ZFP42: variants seen among roughly 807,000 people sequenced by gnomAD.
ZFP42 encodes the protein zinc finger protein 42 homolog.
For missense variants in ZFP42, 438 were observed against 377.1 expected (o/e 1.16, Z -1.34); for synonymous variants, 175 against 144.6 (o/e 1.21, Z -1.51).
rs1266593176 is a variant in ZFP42, at chr4:188,004,159, A to G, written c.*419A>G. 1.7e-5 allele frequency: 3 copies of G among 174,498 alleles called. No individual in the cohort carries two copies. The highest frequency in any genetic ancestry group is 4.1e-5 in the Non-Finnish European group (3 of 72,536). 10.8% of individuals were successfully genotyped at this position (174,498 alleles called of 1,614,324 possible). Reference sequence around the variant, plus strand: ...TTCTTAGCTTTTGCCTTTTAAATTTATACTTCAGCCAGGCATAGTGACTGA... The same window carrying G: ...TTCTTAGCTTTTGCCTTTTAAATTTGTACTTCAGCCAGGCATAGTGACTGA... On this transcript the variant is annotated 3_prime_UTR_variant, in exon 4 of 4. Coordinates refer to ENST00000326866, the MANE Select transcript of ZFP42 (RefSeq NM_174900.5).
chr4:188,000,302 CTAG>C (rs1305117774), intron 3 of ZFP42, among the ~76,000 whole-genome samples: 1 of 152,148 alleles, frequency 6.6e-6, no homozygotes, highest in Non-Finnish European at 1.5e-5. Flanking sequence ...GTGTTTAATC[CTAG>C]TAATTACCCT....
At chr4:187,998,801 A>C (rs891569607) in intron 1 of ZFP42, among the ~76,000 whole-genome samples, 1 of 152,340 alleles carries the variant, frequency 6.6e-6, no homozygotes, top group Admixed American at 6.5e-5. Flanking sequence ...AGGATGACAC[A>C]GCAACCTAAA....
rs201868683 is a variant in ZFP42 at position 188,003,633 on chromosome 4, G to C, written c.826G>C (p.Val276Leu). ...CATCCACACGGGGGAGAAACGTTTCGTGTGTCCCTTTCAAGGCTGCAACAG... is the reference window on the plus strand; with the variant it reads ...CATCCACACGGGGGAGAAACGTTTCCTGTGTCCCTTTCAAGGCTGCAACAG... ...VRIHTGEKRF[V>L]CPFQGCNRRF... The change falls in exon 4 of 4, where the codon GTG becomes CTG. Residue 276 changes from valine (V) to leucine (L), a missense_variant. Coordinates refer to ENST00000326866, the MANE Select transcript of ZFP42 (RefSeq NM_174900.5). 1 of 1,613,436 alleles carries C rather than the reference G, an allele frequency of 6.2e-7. No homozygotes were observed. The highest frequency in any genetic ancestry group is 1.7e-5 in the Admixed American group (1 of 60,018).
In ZFP42 at chr4:188,003,461, C is replaced by G; in HGVS notation, c.654C>G (p.Val218=). The part of the protein sequence containing the change: ...HLLIHGPRDH[V]CAECGKAFVE... ...TCATTCATGGTCCCCGAGACCACGTCTGTGCGGAATGTGGGAAAGCGTTCG... is the reference window on the plus strand; with the variant it reads ...TCATTCATGGTCCCCGAGACCACGTGTGTGCGGAATGTGGGAAAGCGTTCG... Residue 218 remains valine (V), a synonymous_variant, in exon 4 of 4, where the codon GTC becomes GTG. Transcript: ENST00000326866. 6.2e-7 allele frequency: 1 copy of G among 1,614,094 alleles called. No homozygotes were observed. Among genetic ancestry groups the G allele is most frequent in the Non-Finnish European group, 8.5e-7 (1 of 1,180,036 alleles).
chr4:187,997,744 A>G (rs1733658073), intron 1 of ZFP42, among the ~76,000 whole-genome samples: 1 of 152,128 alleles, frequency 6.6e-6, no homozygotes, highest in Non-Finnish European at 1.5e-5. Flanking sequence ...GTCAAGTTCC[A>G]TATAAGGCCG....
At chr4:188,002,275 G>A (rs1378476704) in intron 3 of ZFP42, among the ~76,000 whole-genome samples, 5 of 152,338 alleles carry the variant, frequency 3.3e-5, no homozygotes, top group Middle Eastern at 6.8e-3. Flanking sequence ...AGGTTTGCCC[G>A]AGTGCCCTAT....
At chr4:188,000,392 TTTTTTTTTC>T (rs1733764952) in intron 3 of ZFP42, among the ~76,000 whole-genome samples, 1 of 75,662 alleles carries the variant, frequency 1.3e-5, no homozygotes, top group Non-Finnish European at 2.9e-5. Flanking sequence ...TTTTGTTTTC[TTTTTTTTTC>T]TTTTTTTTCC....
intron 3 of ZFP42, among the ~76,000 whole-genome samples, chr4:188,001,980 C>G (rs1377003974): frequency 6.6e-6 from 1 of 152,120 alleles, no homozygotes; most frequent in African/African-American, 2.4e-5. Flanking sequence ...AGCTCCAGAC[C>G]AGCCTGACCA....
In ZFP42 at chr4:188,002,994, C is replaced by T. The variant is rs767763416; in HGVS notation, c.187C>T (p.Leu63Phe). The change falls in exon 4 of 4, where the codon CTC becomes TTC. Residue 63 changes from leucine (L) to phenylalanine (F), a missense_variant. Coordinates refer to ENST00000326866, the MANE Select transcript of ZFP42 (RefSeq NM_174900.5). Reference sequence around the variant, plus strand: ...GTGCTATGAGCCTGGCCCTCAGGCTCTCGGAGGGGATGATTTCTCAGACTG... The same window carrying T: ...GTGCTATGAGCCTGGCCCTCAGGCTTTCGGAGGGGATGATTTCTCAGACTG... ...YVCYEPGPQA[L>F]GGDDFSDCYI... is the part of the protein sequence containing the mutation. The T allele has an allele frequency of 6.2e-7, 1 of 1,614,122 alleles. No homozygotes were observed. The highest frequency in any genetic ancestry group is 8.5e-7 in the Non-Finnish European group (1 of 1,180,020).
Position 188,003,260 on chromosome 4 carries a change from G to A in ZFP42, c.453G>A (p.Lys151=). 1 of 1,614,090 alleles carries A rather than the reference G, an allele frequency of 6.2e-7. No homozygotes were observed. The highest frequency in any genetic ancestry group is 1.3e-5 in the African/African-American group (1 of 75,038). ...LEYSEYMTGK[K]LPPGGIPGID... The stretch of plus-strand genomic sequence containing the variant: ...ATTCTGAGTACATGACAGGCAAGAA[G>A]CTTCCGCCTGGAGGAATACCTGGCA... The change falls in exon 4 of 4, where the codon AAG becomes AAA. Residue 151 remains lysine, a synonymous_variant. Coordinates refer to ENST00000326866, the MANE Select transcript of ZFP42 (RefSeq NM_174900.5).
At position 188,003,160 on chromosome 4, in the gene ZFP42, G is replaced by C; in HGVS notation, c.353G>C (p.Cys118Ser). ...GTTTTCGAAGCAAGCTCCCTTGAAT[G>C]TTCTTTGGAATACATGAAAAAAGGG... Reference protein sequence around the residue: ...QKVFEASSLECSLEYMKKGVK... With the variant: ...QKVFEASSLESSLEYMKKGVK... Residue 118 changes from cysteine (C) to serine (S), a missense_variant, in exon 4 of 4, where the codon TGT (cysteine) becomes TCT (serine). Transcript: ENST00000326866. 1 of 1,614,046 alleles carries C rather than the reference G, an allele frequency of 6.2e-7. No homozygotes were observed. The highest frequency in any genetic ancestry group is 8.5e-7 in the Non-Finnish European group (1 of 1,180,016).
intron 1 of ZFP42, among the ~76,000 whole-genome samples, chr4:187,998,213 G>C (rs1283688449): frequency 6.6e-6 from 1 of 152,090 alleles, no homozygotes; most frequent in Non-Finnish European, 1.5e-5. Flanking sequence ...ACACATGCCT[G>C]TAATCCCAGC....
intron 1 of ZFP42, 110 bp downstream of exon 1, chr4:187,995,950 G>A (rs1047789051): frequency 2.6e-5 from 4 of 152,276 alleles, no homozygotes; most frequent in Non-Finnish European, 4.4e-5. Flanking sequence ...GGGGAAGCGT[G>A]TTCTCATCCT....
intron 3 of ZFP42, among the ~76,000 whole-genome samples, 172 bp from the exon 4 acceptor site, chr4:188,002,541 C>A (rs1002403885): frequency 1.3e-5 from 2 of 152,178 alleles, no homozygotes; most frequent in East Asian, 3.9e-4. Flanking sequence ...TGTGGGGACA[C>A]CCAGATAAGA....
At chr4:187,998,152 C>G (rs1733673134) in intron 1 of ZFP42, among the ~76,000 whole-genome samples, 1 of 151,998 alleles carries the variant, frequency 6.6e-6, no homozygotes, top group South Asian at 2.1e-4. Flanking sequence ...GCCTGACCAA[C>G]GTGGAGAAAC....
intron 1 of ZFP42, among the ~76,000 whole-genome samples, chr4:187,996,209 A>G (rs1384839856): frequency 6.6e-6 from 1 of 152,232 alleles, no homozygotes; most frequent in East Asian, 1.9e-4. Flanking sequence ...ATTGTGATCA[A>G]GACACCAGTC....
At position 188,003,981 on chromosome 4, in the gene ZFP42, G is replaced by A; in HGVS notation, c.*241G>A. 2.5e-6 allele frequency: 1 copy of A among 403,098 alleles called. No homozygotes were observed. The highest frequency in any genetic ancestry group is 4.6e-6 in the Non-Finnish European group (1 of 218,144). 25.0% of individuals were successfully genotyped at this position (403,098 alleles called of 1,614,324 possible). On this transcript the variant is annotated 3_prime_UTR_variant, in exon 4 of 4. Coordinates refer to ENST00000326866, the MANE Select transcript of ZFP42 (RefSeq NM_174900.5). ...ATTTGTTTTATTTAGAACTTTGTGT[G>A]TTCTTAAAGTGTGCTTCCAACAGGA...
Position 188,003,590 on chromosome 4 carries a change from T to C in ZFP42, c.783T>C (p.Asn261=), listed in dbSNP as rs1215063855. ...GAAAGCGCTTCTCTCTGGACTTTAA[T>C]TTGCGTACGCACGTGCGCATCCACA... The part of the protein sequence containing the change: ...GCGKRFSLDF[N]LRTHVRIHTG... The change falls in exon 4 of 4, where the codon AAT becomes AAC. Residue 261 remains asparagine (N), a synonymous_variant. Coordinates refer to ENST00000326866, the MANE Select transcript of ZFP42 (RefSeq NM_174900.5). The C allele has an allele frequency of 6.2e-7, 1 of 1,613,610 alleles. No individual in the cohort carries two copies. The highest frequency in any genetic ancestry group is 2.2e-5 in the East Asian group (1 of 44,878).
chr4:188,001,108 C>A (rs1026500955), intron 3 of ZFP42, among the ~76,000 whole-genome samples: 1 of 151,842 alleles, frequency 6.6e-6, no homozygotes, highest in Non-Finnish European at 1.5e-5. Flanking sequence ...ACAGTTGGAA[C>A]ACATTTTGTT....
Sources: allele counts gnomAD v4.1 joint callset (sites outside exome capture counted in the v4.1 genomes callset), GRCh38; gene constraint gnomAD v4.1.1; transcripts MANE v1.5; gene names NCBI Gene and HGNC (gene_info 2026-07-23, HGNC 2026-07-21).